Variants in LANCL3 observed in about 807,000 individuals in gnomAD.
LANCL3 encodes the protein LanC like family member 3.
A neutral mutation model predicts 26.5 loss-of-function variants in LANCL3; 19 were observed. The ratio of observed to expected loss-of-function variants is 0.72; its 90% CI spans 0.50 to 1.05. The LOEUF (loss-of-function observed/expected upper bound fraction) is 1.05, where lower values mean the gene tolerates loss of function less well. LANCL3 is among the 50% of genes least tolerant of loss of function. The probability of loss-of-function intolerance (pLI) is 0.00; values close to 1 mark genes in which losing one functional copy is unlikely to be tolerated. For missense variants in LANCL3, 318 were observed against 362.7 expected (o/e 0.88, Z 1.00); for synonymous variants, 160 against 166.6 (o/e 0.96, Z 0.30).
chrX:37,576,982 C>T (rs1289392504), intron 1 of LANCL3, among the ~76,000 whole-genome samples: 2 of 112,432 alleles, frequency 1.8e-5, no homozygotes, highest in Admixed American at 9.4e-5. Context: ...AGTTTGAAAC[C>T]ATGGAAGGAG....
intron 1 of LANCL3, among the ~76,000 whole-genome samples, chrX:37,611,739 C>G (rs901578582): frequency 1.6e-4 from 18 of 111,064 alleles, no homozygotes; most frequent in African/African-American, 4.6e-4. Flanking sequence ...GAGTTTGAAT[C>G]TCTGAGCTAC....
intron 1 of LANCL3, among the ~76,000 whole-genome samples, chrX:37,651,742 C>T (rs1340168353): frequency 9.1e-6 from 1 of 110,364 alleles, no homozygotes; most frequent in African/African-American, 3.3e-5. Context: ...CTAATGCTAT[C>T]CCTCCTCCCT....
Position 37,682,105 on chromosome X carries a change from A to ATTTTTTTT in LANCL3, c.*6300_*6307dup, listed in dbSNP as rs1164721985. On this transcript the variant is annotated 3_prime_UTR_variant, in exon 5 of 5. Coordinates refer to ENST00000378619, the MANE Select transcript of LANCL3 (RefSeq NM_001170331.2). ...GTTTTATTTTTATTTTTATTTTTTTATTTTTTTTTTTTTTTGAGACGGAGT... is the reference window on the plus strand; with the variant it reads ...GTTTTATTTTTATTTTTATTTTTTTATTTTTTTTTTTTTTTTTTTTTTTGAGACGGAGT... 1 of 99,006 alleles carries ATTTTTTTT rather than the reference A, an allele frequency of 1.0e-5. No individual in the cohort carries two copies. 8.2% of individuals were successfully genotyped at this position (99,006 alleles called of 1,213,427 possible).
intron 3 of LANCL3, among the ~76,000 whole-genome samples, chrX:37,663,022 G>A (rs1161509544): frequency 9.0e-6 from 1 of 111,356 alleles, no homozygotes; most frequent in Non-Finnish European, 1.9e-5. Flanking sequence ...CTCATGGCCT[G>A]GTACAGCAAT....
chrX:37,628,983 A>C (rs1247925681), intron 1 of LANCL3, among the ~76,000 whole-genome samples: 1 of 109,674 alleles, frequency 9.1e-6, no homozygotes, highest in African/African-American at 3.3e-5. Flanking sequence ...TGGCTGGGTC[A>C]AATGGTATTT....
chrX:37,682,167 A>T lies in LANCL3; in HGVS notation c.*6354A>T, dbSNP rs1418321299. ...GCCCAGGCTGGAGTGCAGTGGCGGG[A>T]TCTCGGCTCGCTGCAAGCTCCGCCT... On this transcript the variant is annotated 3_prime_UTR_variant, in exon 5 of 5. Transcript: ENST00000378619. The T allele has an allele frequency of 1.1e-5, 1 of 94,454 alleles. No individual in the cohort carries two copies. Among genetic ancestry groups the T allele is most frequent in the Non-Finnish European group, 2.1e-5 (1 of 48,086 alleles). The allele number at this position is 94,454 out of a possible 1,213,427, so 7.8% of individuals were successfully genotyped here.
At chrX:37,656,414 C>A (rs1926285766) in intron 2 of LANCL3, among the ~76,000 whole-genome samples, 1 of 111,593 alleles carries the variant, frequency 9.0e-6, no homozygotes. Context: ...CTCCCACATG[C>A]GGTGTTCTCT....
chrX:37,594,060 T>A (rs1556419260), intron 1 of LANCL3, among the ~76,000 whole-genome samples: 1 of 111,597 alleles, frequency 9.0e-6, no homozygotes, highest in East Asian at 2.8e-4. Flanking sequence ...TGGACCTATA[T>A]TAAGCTTCTA....
At position 37,676,958 on chromosome X, in the gene LANCL3, T is replaced by C. The variant is rs1441717141; in HGVS notation, c.*1145T>C. The C allele has an allele frequency of 8.9e-6, 1 of 112,075 alleles. No individual in the cohort carries two copies. Among genetic ancestry groups the C allele is most frequent in the Non-Finnish European group, 1.9e-5 (1 of 53,163 alleles). The allele number at this position is 112,075 out of a possible 1,213,427, so 9.2% of individuals were successfully genotyped here. On this transcript the variant is annotated 3_prime_UTR_variant, in exon 5 of 5. Coordinates refer to ENST00000378619, the MANE Select transcript of LANCL3 (RefSeq NM_001170331.2). ...TGTAAACACATAGAAGTTGTGAAAC[T>C]GCTTCAAGTAAATAGTGGTTTGCAG...
chrX:37,645,127 G>A (rs149604064), intron 1 of LANCL3, among the ~76,000 whole-genome samples: 1,741 of 112,485 alleles, frequency 0.015, 37 homozygotes, highest in African/African-American at 0.053. Context: ...AGCTACTTCT[G>A]ATAAATCTTT....
rs1196810605 is a variant in LANCL3, at chrX:37,678,219, A to G, written c.*2406A>G. 2 of 111,917 alleles carry G rather than the reference A, an allele frequency of 1.8e-5. No individual in the cohort carries two copies. The highest frequency in any genetic ancestry group is 3.8e-5 in the Non-Finnish European group (2 of 53,047). The allele number at this position is 111,917 out of a possible 1,213,427, so 9.2% of individuals were successfully genotyped here. A position where few individuals can be genotyped will look rare whatever the true frequency, so the allele number is the denominator to read the frequency against. On this transcript the variant is annotated 3_prime_UTR_variant, in exon 5 of 5. Coordinates refer to ENST00000378619, the MANE Select transcript of LANCL3 (RefSeq NM_001170331.2). Reference sequence around the variant, plus strand: ...TGAAACTTTTCATTTTCCTGAAAGAATTATAGATTTTGGAAGGTCCTCTTC... The same window carrying G: ...TGAAACTTTTCATTTTCCTGAAAGAGTTATAGATTTTGGAAGGTCCTCTTC...
At chrX:37,626,613 G>T (rs1451492840) in intron 1 of LANCL3, among the ~76,000 whole-genome samples, 1 of 111,689 alleles carries the variant, frequency 9.0e-6, no homozygotes, top group African/African-American at 3.3e-5. Context: ...GACTGATTTT[G>T]ACTGCTTTAT....
At chrX:37,621,244 C>A (rs1469524488) in intron 1 of LANCL3, among the ~76,000 whole-genome samples, 2 of 112,120 alleles carry the variant, frequency 1.8e-5, no homozygotes, top group Non-Finnish European at 3.8e-5. Flanking sequence ...GTTATACAAG[C>A]CTTGAGGTAA....
intron 1 of LANCL3, among the ~76,000 whole-genome samples, chrX:37,587,976 G>A (rs1277433379): frequency 2.7e-5 from 3 of 112,483 alleles, no homozygotes; most frequent in Non-Finnish European, 3.8e-5. Context: ...AACATAGTTC[G>A]TAGTTTTTTG....
At chrX:37,668,431 A>G (rs1556434871) in intron 4 of LANCL3, 1 of 405,302 alleles carries the variant, frequency 2.5e-6, no homozygotes, top group African/African-American at 2.6e-5. Context: ...ATTGCTTTTA[A>G]TAGATATTAC....
At chrX:37,615,775 A>T (rs1297046143) in intron 1 of LANCL3, among the ~76,000 whole-genome samples, 1 of 111,703 alleles carries the variant, frequency 9.0e-6, no homozygotes, top group Non-Finnish European at 1.9e-5. Context: ...TTCGTTGAGG[A>T]TATCTTTCTG....
At chrX:37,589,157 T>G (rs1475818007) in intron 1 of LANCL3, among the ~76,000 whole-genome samples, 1 of 112,045 alleles carries the variant, frequency 8.9e-6, no homozygotes, top group African/African-American at 3.2e-5. Context: ...AAATGTTTTT[T>G]TTTTCTTCTG....
At chrX:37,625,387 C>T (rs782430931) in intron 1 of LANCL3, among the ~76,000 whole-genome samples, 9 of 111,240 alleles carry the variant, frequency 8.1e-5, no homozygotes, top group Non-Finnish European at 1.7e-4. Context: ...ACAGAAATTG[C>T]AGAAGTTCCA....
intron 1 of LANCL3, among the ~76,000 whole-genome samples, chrX:37,647,977 G>A (rs1413059468): frequency 2.7e-5 from 3 of 112,330 alleles, no homozygotes; most frequent in African/African-American, 6.5e-5. Flanking sequence ...AAAACCCCTA[G>A]GGTAAAGGAA....
Sources: gnomAD v4.1 joint callset for allele counts (sites outside exome capture counted in the v4.1 genomes callset) on GRCh38, gnomAD v4.1.1 for gene constraint, MANE v1.5 for transcripts, NCBI Gene and HGNC (gene_info 2026-07-23, HGNC 2026-07-21) for gene names.